SV2C: variants seen among roughly 807,000 people sequenced by gnomAD.
The protein encoded by SV2C is synaptic vesicle glycoprotein 2C.
SV2C carries 49 observed loss-of-function variants against 79.7 expected under a neutral mutation model. The observed-to-expected ratio is 0.61, with a 90% CI of 0.49 to 0.78. The LOEUF is 0.78. SV2C is among the 30% of genes least tolerant of loss of function. SV2C has a pLI of 0.00. For missense variants in SV2C, 833 were observed against 912.9 expected (o/e 0.91, Z 1.13); for synonymous variants, 334 against 333.2 (o/e 1.00, Z -0.03).
At chr5:76,037,344 C>A in the SV2C span, among the ~76,000 whole-genome samples, 1 of 152,210 alleles carries the variant, frequency 6.6e-6, no homozygotes, top group Non-Finnish European at 1.5e-5. Flanking sequence ...TTTCCAGTTT[C>A]TCTGCTCTGT....
chr5:75,888,552 T>C, the SV2C span, among the ~76,000 whole-genome samples: 1 of 152,120 alleles, frequency 6.6e-6, no homozygotes, highest in African/African-American at 2.4e-5. Context: ...GGCTTTTCCT[T>C]TCGCTGCCAC....
intron 1 of SV2C, among the ~76,000 whole-genome samples, chr5:76,102,294 G>T (rs1193576851): frequency 6.6e-6 from 1 of 152,020 alleles, no homozygotes; most frequent in African/African-American, 2.4e-5. Context: ...TGCCTGCCTG[G>T]AGACTCTCCA....
At chr5:75,968,022 G>A in the SV2C span, among the ~76,000 whole-genome samples, 6 of 152,260 alleles carry the variant, frequency 3.9e-5, no homozygotes, top group African/African-American at 9.6e-5. Flanking sequence ...ACCAATATCC[G>A]CTGTTCTGCA....
the SV2C span, among the ~76,000 whole-genome samples, chr5:76,005,156 G>C: frequency 6.6e-6 from 1 of 152,182 alleles, no homozygotes; most frequent in East Asian, 1.9e-4. Context: ...AATATCACAG[G>C]AGGAGACCAA....
chr5:75,900,985 T>C, the SV2C span, among the ~76,000 whole-genome samples: 2 of 152,202 alleles, frequency 1.3e-5, no homozygotes, highest in Non-Finnish European at 2.9e-5. Flanking sequence ...TATACATTTG[T>C]CTAAACTTTT....
the SV2C span, among the ~76,000 whole-genome samples, chr5:75,938,756 A>G: frequency 1.3e-5 from 2 of 152,192 alleles, no homozygotes; most frequent in African/African-American, 2.4e-5. Context: ...CTGTATGCTT[A>G]CGATTAGTGT....
the SV2C span, among the ~76,000 whole-genome samples, chr5:76,049,461 G>A: frequency 6.6e-6 from 1 of 152,162 alleles, no homozygotes; most frequent in Admixed American, 6.5e-5. Context: ...TACATAGGAA[G>A]CCATCTTACT....
chr5:75,929,083 T>C, the SV2C span, among the ~76,000 whole-genome samples: 3 of 152,042 alleles, frequency 2.0e-5, no homozygotes, highest in Non-Finnish European at 2.9e-5. Flanking sequence ...CCCCAAATCA[T>C]TAAAAAGTTC....
At chr5:76,292,782 T>C (rs1270802658) in intron 8 of SV2C, among the ~76,000 whole-genome samples, 1 of 152,120 alleles carries the variant, frequency 6.6e-6, no homozygotes, top group African/African-American at 2.4e-5. Context: ...AAAGAGGAAA[T>C]AGGGAGAAAA....
downstream of SV2C, among the ~76,000 whole-genome samples, chr5:76,338,596 C>A (rs34196522): frequency 0.013 from 1,935 of 152,204 alleles, 21 homozygotes; most frequent in Non-Finnish European, 0.019. Context: ...GCTATTGCCC[C>A]CTCTTCAGCC....
At chr5:76,056,636 T>G in the SV2C span, among the ~76,000 whole-genome samples, 1 of 147,504 alleles carries the variant, frequency 6.8e-6, no homozygotes, top group African/African-American at 2.5e-5. Flanking sequence ...TTTTTTTTTT[T>G]TTTTTTTTTT....
the SV2C span, among the ~76,000 whole-genome samples, chr5:76,069,082 A>G: frequency 3.9e-5 from 6 of 152,218 alleles, no homozygotes; most frequent in Non-Finnish European, 4.4e-5. Context: ...AAATGGATGC[A>G]TTGCATGGTC....
chr5:75,876,170 A>C, the SV2C span, among the ~76,000 whole-genome samples: 1 of 152,210 alleles, frequency 6.6e-6, no homozygotes, highest in East Asian at 1.9e-4. Flanking sequence ...GAATCAACCT[A>C]AATGACCTTC....
chr5:76,211,056 A>G (rs909793419), intron 4 of SV2C, among the ~76,000 whole-genome samples: 5 of 152,168 alleles, frequency 3.3e-5, no homozygotes, highest in Non-Finnish European at 7.3e-5. Context: ...AACATGACTT[A>G]TAGTTGTTCT....
chr5:75,974,614 G>A, the SV2C span, among the ~76,000 whole-genome samples: 1 of 151,430 alleles, frequency 6.6e-6, no homozygotes, highest in Non-Finnish European at 1.5e-5. Context: ...GGCATATTGG[G>A]ATGGTGAGAG....
the SV2C span, among the ~76,000 whole-genome samples, chr5:75,971,686 A>G: frequency 0.053 from 8,124 of 152,208 alleles, 744 homozygotes; most frequent in African/African-American, 0.18. Context: ...GGATACAAAC[A>G]AATGCAAGAA....
chr5:75,998,604 TAGTGTGTGTGTGTATGTGTG>T, the SV2C span, among the ~76,000 whole-genome samples: 1 of 151,890 alleles, frequency 6.6e-6, no homozygotes, highest in South Asian at 2.1e-4. Flanking sequence ...CAGAACATGA[TAGTGTGTGTGTGTATGTGTG>T]AGTGTGTATG....
chr5:76,180,742 G>A (rs1375058438), intron 2 of SV2C, among the ~76,000 whole-genome samples: 1 of 152,158 alleles, frequency 6.6e-6, no homozygotes, highest in Non-Finnish European at 1.5e-5. Context: ...GGGCCCAAAG[G>A]TCTTTTCTGA....
downstream of SV2C, chr5:76,333,963 T>C (rs549686940): frequency 1.3e-5 from 2 of 152,212 alleles, no homozygotes; most frequent in South Asian, 2.1e-4. Context: ...TACAGATTGC[T>C]GTGTGACTGG....
Sources: allele counts gnomAD v4.1 joint callset (sites outside exome capture counted in the v4.1 genomes callset), GRCh38; gene constraint gnomAD v4.1.1; transcripts MANE v1.5; gene names NCBI Gene and HGNC (gene_info 2026-07-23, HGNC 2026-07-21).